HEG1: variants seen among roughly 807,000 people sequenced by gnomAD.
HEG1 encodes heart development protein with EGF like domains 1, also known as protein HEG homolog 1.
Under a neutral mutation model 125.6 loss-of-function variants are expected in HEG1, and 56 were observed. The ratio of observed to expected loss-of-function variants is 0.45; its 90% CI spans 0.36 to 0.56. HEG1 has a LOEUF of 0.56. Among genes scored for constraint, HEG1 ranks in the 20% least tolerant of loss-of-function variants. HEG1 has a pLI of 0.00. For synonymous variants in HEG1, 644 were observed against 668.5 expected (o/e 0.96, Z 0.57); for missense variants, 1,523 against 1,670.0 (o/e 0.91, Z 1.53).
At chr3:125,029,173 C>T (rs150904823) in intron 2 of HEG1, 22 bp downstream of exon 2, 24 of 1,601,890 alleles carry the variant, frequency 1.5e-5, no homozygotes, top group East Asian at 9.0e-5. Flanking sequence ...GCGTGAAATG[C>T]GCATCATCAG....
intron 5 of HEG1, among the ~76,000 whole-genome samples, chr3:125,015,477 T>C (rs1363737183): frequency 1.3e-5 from 2 of 152,216 alleles, no homozygotes; most frequent in Admixed American, 1.3e-4. Flanking sequence ...AGGCCAGTCA[T>C]TACACGGCAT....
rs987462519 is a variant in HEG1, at chr3:124,968,360, C to A, written c.*2292G>T. 2 of 152,416 alleles carry A rather than the reference C, an allele frequency of 1.3e-5. No homozygotes were observed. Among genetic ancestry groups the A allele is most frequent in the Non-Finnish European group, 2.9e-5 (2 of 68,234 alleles). The allele number at this position is 152,416 out of a possible 1,614,324, so 9.4% of individuals were successfully genotyped here. ...GTGCCTTCCCCACCCCCAAACGCCTCCTGGAAACTGTGGAGACTGTGTGAC... is the reference window on the plus strand; with the variant it reads ...GTGCCTTCCCCACCCCCAAACGCCTACTGGAAACTGTGGAGACTGTGTGAC... On this transcript the variant is annotated 3_prime_UTR_variant, in exon 17 of 17. Coordinates refer to ENST00000311127, the MANE Select transcript of HEG1 (RefSeq NM_020733.2).
rs769377458 is a variant in HEG1, at chr3:125,029,179, A to T, written c.610+16T>A. The T allele has an allele frequency of 1.2e-6, 2 of 1,606,644 alleles. No individual in the cohort carries two copies. Among genetic ancestry groups the T allele is most frequent in the Admixed American group, 1.7e-5 (1 of 59,386 alleles). On this transcript the variant is annotated intron_variant, in intron 2 of 16. Transcript: ENST00000311127. ...GACACACATGCGTGAAATGCGCATC[A>T]TCAGCACAAGCTCACCTAAGTTGCC...
intron 14 of HEG1, among the ~76,000 whole-genome samples, chr3:124,979,840 C>T (rs1180758186): frequency 6.6e-6 from 1 of 152,214 alleles, no homozygotes; most frequent in African/African-American, 2.4e-5. Flanking sequence ...GCTTCTAGAG[C>T]ACTAGGTGCT....
rs553248515 is a variant in HEG1, at chr3:125,044,028, G to C, written c.316+11547C>G. ...CAGTTAATTTACTCGACAGACCTCT[G>C]TGAAGTGGCCCAGGACTCTGAGGAA... is the stretch of plus-strand genomic sequence containing the variant. On this transcript the variant is annotated intron_variant, in intron 1 of 16. Coordinates refer to ENST00000311127, the MANE Select transcript of HEG1 (RefSeq NM_020733.2). Among the ~76,000 whole-genome samples the C allele has an allele frequency of 2.6e-5, 4 of 152,310 alleles. No individual in the cohort carries two copies. The East Asian group carries it at 7.7e-4, about 29-fold the overall frequency.
Position 124,967,062 on chromosome 3 carries a change from C to A in HEG1, c.*3590G>T, listed in dbSNP as rs572062203. The stretch of plus-strand genomic sequence containing the variant: ...AGTTTTTGACCTCAGATGCCATCAG[C>A]CAACTTGACTGAACCACCTATCAGC... On this transcript the variant is annotated 3_prime_UTR_variant, in exon 17 of 17. Transcript: ENST00000311127. 1 of 152,342 alleles carries A rather than the reference C, an allele frequency of 6.6e-6. No homozygotes were observed. The highest frequency in any genetic ancestry group is 1.9e-4 in the East Asian group (1 of 5,192). The allele number at this position is 152,342 out of a possible 1,614,324, so 9.4% of individuals were successfully genotyped here.
At chr3:125,010,587 A>G in intron 6 of HEG1, 32 bp from the exon 7 acceptor site, 1 of 1,294,370 alleles carries the variant, frequency 7.7e-7, no homozygotes, top group South Asian at 1.4e-5. Context: ...AAAGCAGTTA[A>G]CCACACAGGA....
chr3:124,969,934 TGCAAAGAGATTTA>T lies in HEG1; in HGVS notation c.*705_*717del. 6.6e-6 allele frequency: 1 copy of T among 152,100 alleles called. No individual in the cohort carries two copies. Among genetic ancestry groups the T allele is most frequent in the Non-Finnish European group, 1.5e-5 (1 of 68,022 alleles). 9.4% of individuals were successfully genotyped at this position (152,100 alleles called of 1,614,324 possible). A position where few individuals can be genotyped will look rare whatever the true frequency, so the allele number is the denominator to read the frequency against. On this transcript the variant is annotated 3_prime_UTR_variant, in exon 17 of 17. Transcript: ENST00000311127. Reference sequence around the variant, plus strand: ...CTTGTTTGAAAAAGTGAGATTTAACTGCAAAGAGATTTAAAAAAAAAATCTTAAATACATGTGT... The same window carrying T: ...CTTGTTTGAAAAAGTGAGATTTAACTAAAAAAAAATCTTAAATACATGTGT...
chr3:125,006,558 C>T (rs1323899668), intron 8 of HEG1, among the ~76,000 whole-genome samples: 1 of 152,222 alleles, frequency 6.6e-6, no homozygotes, highest in Non-Finnish European at 1.5e-5. Flanking sequence ...CTTACACTTA[C>T]TGTCTAAAGC....
chr3:124,991,852 C>T lies in HEG1; in HGVS notation c.3653-866G>A, dbSNP rs986819650. 3.4e-4 allele frequency among the ~76,000 whole-genome samples: 52 copies of T among 152,122 alleles called. 1 individual carries two copies. The highest frequency in any genetic ancestry group is 8.3e-4 in the South Asian group (4 of 4,828). ...CTCAAACTCCTGACCTCAGATGATCCGCCCTCCTCGGCCTCCCAAAGTACT... is the reference window on the plus strand; with the variant it reads ...CTCAAACTCCTGACCTCAGATGATCTGCCCTCCTCGGCCTCCCAAAGTACT... On this transcript the variant is annotated intron_variant, in intron 12 of 16. Transcript: ENST00000311127.
chr3:125,019,028 G>A (rs559332640), intron 5 of HEG1, among the ~76,000 whole-genome samples: 8 of 152,044 alleles, frequency 5.3e-5, no homozygotes, highest in Admixed American at 1.3e-4. Context: ...CATCACACCC[G>A]GCTAATTTTT....
intron 2 of HEG1, 123 bp downstream of exon 2, chr3:125,029,072 C>T: frequency 1.8e-6 from 2 of 1,084,384 alleles, no homozygotes; most frequent in South Asian, 1.6e-5. Flanking sequence ...GTCTGACCCA[C>T]CCCAGCCTAG....
chr3:125,048,015 T>C (rs62265662), intron 1 of HEG1, among the ~76,000 whole-genome samples: 42,247 of 152,030 alleles, frequency 0.28, 6,528 homozygotes, highest in South Asian at 0.42. Context: ...TCTGCACAGA[T>C]AGATGGGGGC....
At chr3:124,977,457 T>G (rs933622466) in intron 15 of HEG1, among the ~76,000 whole-genome samples, 1 of 152,216 alleles carries the variant, frequency 6.6e-6, no homozygotes, top group African/African-American at 2.4e-5. Context: ...TCCTTCTATA[T>G]TCTAGATACA....
At chr3:125,000,129 T>G (rs1936980289) in intron 11 of HEG1, among the ~76,000 whole-genome samples, 1 of 152,172 alleles carries the variant, frequency 6.6e-6, no homozygotes, top group Admixed American at 6.5e-5. Context: ...CAAGCCTGTT[T>G]TTTTCAGCTA....
chr3:125,016,635 T>C (rs1937253893), intron 5 of HEG1, among the ~76,000 whole-genome samples: 1 of 152,210 alleles, frequency 6.6e-6, no homozygotes, highest in African/African-American at 2.4e-5. Context: ...CTTGTGTGTG[T>C]GGTATTCTTT....
At chr3:124,972,427 GT>G (rs1936463649) in intron 16 of HEG1, among the ~76,000 whole-genome samples, 1 of 152,136 alleles carries the variant, frequency 6.6e-6, no homozygotes, top group Admixed American at 6.5e-5. Context: ...ATTTCTTTAT[GT>G]TTTTTTCCTT....
At chr3:124,990,865 A>G in intron 13 of HEG1, 41 bp from the exon 14 acceptor site, 1 of 1,556,768 alleles carries the variant, frequency 6.4e-7, no homozygotes, top group Non-Finnish European at 8.7e-7. Flanking sequence ...ATTAGTTTCC[A>G]ATCTCAAAAG....
chr3:124,967,996 C>T lies in HEG1; in HGVS notation c.*2656G>A, dbSNP rs1455094504. On this transcript the variant is annotated 3_prime_UTR_variant, in exon 17 of 17. Transcript: ENST00000311127. ...AGATGCCCCTGCGCCCGGCTCCTCT[C>T]TATGGAGGTTTAAGCATCTCTTGAG... The T allele has an allele frequency of 2.0e-5, 3 of 152,366 alleles. No homozygotes were observed. Among genetic ancestry groups the T allele is most frequent in the Non-Finnish European group, 1.5e-5 (1 of 68,146 alleles). 9.4% of individuals were successfully genotyped at this position (152,366 alleles called of 1,614,324 possible).
Sources: allele counts gnomAD v4.1 joint callset (sites outside exome capture counted in the v4.1 genomes callset), GRCh38; gene constraint gnomAD v4.1.1; transcripts MANE v1.5; gene names NCBI Gene and HGNC (gene_info 2026-07-23, HGNC 2026-07-21).